Variants in FSTL4 observed in about 807,000 individuals in gnomAD.
FSTL4 encodes the protein follistatin-related protein 4.
A neutral mutation model predicts 78.2 loss-of-function variants in FSTL4; 28 were observed. The observed-to-expected ratio is 0.36, with a 90% CI of 0.27 to 0.49. The LOEUF (loss-of-function observed/expected upper bound fraction) is 0.49. Among genes scored for constraint, FSTL4 ranks in the 20% least tolerant of loss-of-function variants. The probability of loss-of-function intolerance (pLI) is 0.98; values close to 1 mark genes in which losing one functional copy is unlikely to be tolerated. For synonymous variants in FSTL4, 422 were observed against 440.5 expected, an observed-to-expected ratio of 0.96 and a Z score of 0.53; for missense variants, 922 against 1,084.9, an observed-to-expected ratio of 0.85 and a Z score of 2.11.
At chr5:133,368,805 C>T (rs906894506) in intron 4 of FSTL4, among the ~76,000 whole-genome samples, 1 of 152,212 alleles carries the variant, frequency 6.6e-6, no homozygotes. Context: ...TTGGACCCTC[C>T]AAGCCAAAGT....
chr5:133,209,278 G>T (rs906704328), intron 14 of FSTL4, among the ~76,000 whole-genome samples: 1 of 152,152 alleles, frequency 6.6e-6, no homozygotes, highest in Non-Finnish European at 1.5e-5. Flanking sequence ...TAGGTGGTCA[G>T]TCCCTAGAAG....
At chr5:133,381,159 G>C (rs866612675) in intron 4 of FSTL4, among the ~76,000 whole-genome samples, 2 of 152,206 alleles carry the variant, frequency 1.3e-5, no homozygotes, top group Admixed American at 1.3e-4. Flanking sequence ...TAGAGTACAC[G>C]CTAGAGGAAC....
rs145657551 is a variant in FSTL4 at position 133,359,962 on chromosome 5, A to G, written c.409+40776T>C. Among the ~76,000 whole-genome samples the G allele has an allele frequency of 1.4e-3, 209 of 152,296 alleles. 1 individual carries two copies. The highest frequency in any genetic ancestry group is 0.01 in the Middle Eastern group (3 of 294). Reference sequence around the variant, plus strand: ...TGCCCTGGCAGACCAGGGAGCCAGTATTCTGAGCTCCAGCCTGCCTCAAGG... The same window carrying G: ...TGCCCTGGCAGACCAGGGAGCCAGTGTTCTGAGCTCCAGCCTGCCTCAAGG... On this transcript the variant is annotated intron_variant, in intron 4 of 15. Coordinates refer to ENST00000265342, the MANE Select transcript of FSTL4 (RefSeq NM_015082.2).
rs952498049 is a variant in FSTL4 at position 133,612,378 on chromosome 5, G to A, written c.-64C>T. 1.3e-5 allele frequency: 2 copies of A among 149,970 alleles called. No homozygotes were observed. The highest frequency in any genetic ancestry group is 2.4e-5 in the African/African-American group (1 of 41,072). The allele number at this position is 149,970 out of a possible 1,614,324, so 9.3% of individuals were successfully genotyped here. A position where few individuals can be genotyped will look rare whatever the true frequency, so the allele number is the denominator to read the frequency against. On this transcript the variant is annotated 5_prime_UTR_variant, in exon 1 of 16. Transcript: ENST00000265342. The surrounding 1 kb of genome is among the most constrained non-coding windows in gnomAD (Gnocchi z 6.2). ...CAGGTGGCCGGACTTGGGCGGGAGG[G>A]AGGGAGCACCCCGTGGCGGCGGCGG...
At chr5:133,231,053 C>T (rs894017119) in intron 8 of FSTL4, among the ~76,000 whole-genome samples, 1 of 152,046 alleles carries the variant, frequency 6.6e-6, no homozygotes, top group Admixed American at 6.5e-5. Flanking sequence ...GTGTCACACC[C>T]ACCTCCTACC....
intron 3 of FSTL4, among the ~76,000 whole-genome samples, chr5:133,485,443 G>A (rs1006403709): frequency 2.6e-5 from 4 of 152,202 alleles, no homozygotes; most frequent in Non-Finnish European, 4.4e-5. Context: ...GGCAACAGCT[G>A]AATTTGGGAA....
intron 6 of FSTL4, among the ~76,000 whole-genome samples, chr5:133,279,067 G>C (rs1752952417): frequency 6.6e-6 from 1 of 152,214 alleles, no homozygotes; most frequent in Non-Finnish European, 1.5e-5. Flanking sequence ...GTGAAGCTGG[G>C]GGTTCGTGCA....
the FSTL4 span, among the ~76,000 whole-genome samples, chr5:133,788,366 A>G: frequency 2.0e-5 from 3 of 152,246 alleles, no homozygotes; most frequent in African/African-American, 7.2e-5. Context: ...GCCGGTTGCT[A>G]GGATGACGGG....
At chr5:133,824,748 C>A in the FSTL4 span, among the ~76,000 whole-genome samples, 1 of 152,098 alleles carries the variant, frequency 6.6e-6, no homozygotes, top group Non-Finnish European at 1.5e-5. Context: ...GCCCAAAGCA[C>A]GCAGGCATCC....
intron 7 of FSTL4, among the ~76,000 whole-genome samples, chr5:133,239,054 C>T (rs1751750651): frequency 6.6e-6 from 1 of 152,204 alleles, no homozygotes; most frequent in South Asian, 2.1e-4. Context: ...TTCGGGTGGG[C>T]ATGGGCTCGG....
chr5:133,394,566 C>T lies in FSTL4; in HGVS notation c.409+6172G>A, dbSNP rs187388499. On this transcript the variant is annotated intron_variant, in intron 4 of 15. Transcript: ENST00000265342. Reference sequence around the variant, plus strand: ...GCCCACCGGGCTGTTCTCGAATTCTCGCCGGGCCTCAGCTGCCTCCCCGCA... The same window carrying T: ...GCCCACCGGGCTGTTCTCGAATTCTTGCCGGGCCTCAGCTGCCTCCCCGCA... Among the ~76,000 whole-genome samples the T allele has an allele frequency of 2.0e-3, 301 of 152,350 alleles. 2 individuals are homozygous for T. Among genetic ancestry groups the T allele is most frequent in the African/African-American group, 6.7e-3 (279 of 41,588 alleles).
chr5:133,387,545 G>C (rs1227132378), intron 4 of FSTL4, among the ~76,000 whole-genome samples: 1 of 152,072 alleles, frequency 6.6e-6, no homozygotes, highest in African/African-American at 2.4e-5. Context: ...TCTCTTAACA[G>C]GGCAGCTCTT....
At chr5:133,759,608 T>C in the FSTL4 span, among the ~76,000 whole-genome samples, 1 of 152,336 alleles carries the variant, frequency 6.6e-6, no homozygotes, top group South Asian at 2.1e-4. Context: ...ACTATACAAG[T>C]ATACAAAAAA....
At position 133,605,451 on chromosome 5, in the gene FSTL4, G is replaced by A. The variant is rs552085826; in HGVS notation, c.-10-1458C>T. On this transcript the variant is annotated intron_variant, in intron 1 of 15. Transcript: ENST00000265342. ...CTCACTGCCATAGGCAACAGCTTTG[G>A]AGCATCCCTACTTTAGACAATGGGG... 1.5e-4 allele frequency among the ~76,000 whole-genome samples: 23 copies of A among 152,296 alleles called. No individual in the cohort carries two copies. In the South Asian group the frequency reaches 3.3e-3, roughly 22 times the overall value.
chr5:133,798,370 G>A, the FSTL4 span, among the ~76,000 whole-genome samples: 125 of 152,300 alleles, frequency 8.2e-4, no homozygotes, highest in Middle Eastern at 6.8e-3. Context: ...AGGGAGCTGT[G>A]ATTCTCAGAG....
chr5:133,463,032 A>G (rs1757628963), intron 3 of FSTL4, among the ~76,000 whole-genome samples: 1 of 152,196 alleles, frequency 6.6e-6, no homozygotes, highest in Admixed American at 6.5e-5. Flanking sequence ...CGTGCGAGGC[A>G]GGAAGTCTCT....
intron 3 of FSTL4, among the ~76,000 whole-genome samples, chr5:133,520,427 G>A (rs545447204): frequency 1.3e-4 from 19 of 147,790 alleles, no homozygotes; most frequent in South Asian, 9.0e-4. Context: ...GATATTTGGC[G>A]TTGGGGTGGG....
the FSTL4 span, among the ~76,000 whole-genome samples, chr5:133,700,596 G>A: frequency 0.35 from 53,243 of 152,192 alleles, 10,200 homozygotes; most frequent in African/African-American, 0.51. Flanking sequence ...ACTGTATTCC[G>A]GGATGGAGTG....
chr5:133,486,465 C>T (rs371244754), intron 3 of FSTL4, among the ~76,000 whole-genome samples: 2 of 152,060 alleles, frequency 1.3e-5, no homozygotes, highest in African/African-American at 2.4e-5. Flanking sequence ...TTGCAGCAGG[C>T]GTTCCCTCTC....
Sources: gnomAD v4.1 joint callset for allele counts (sites outside exome capture counted in the v4.1 genomes callset) on GRCh38, gnomAD v4.1.1 for gene constraint, Gnocchi (gnomAD v3.1) non-coding constraint, MANE v1.5 for transcripts, NCBI Gene and HGNC (gene_info 2026-07-23, HGNC 2026-07-21) for gene names.